Variants in ITPKB observed in about 807,000 individuals in gnomAD.
ITPKB encodes IP3 3-kinase B.
Under a neutral mutation model 69.4 loss-of-function variants are expected in ITPKB, and 13 were observed. The observed-to-expected ratio is 0.19, with a 90% CI of 0.12 to 0.30. The LOEUF (loss-of-function observed/expected upper bound fraction) is 0.30, where lower values mean the gene tolerates loss of function less well. Ranked by LOEUF, ITPKB falls within the 10% of genes least tolerant of loss-of-function variation. The pLI is 1.00. For synonymous variants in ITPKB, 584 were observed against 513.7 expected, an observed-to-expected ratio of 1.14 and a Z score of -1.85; for missense variants, 1,240 against 1,250.5, an observed-to-expected ratio of 0.99 and a Z score of 0.13.
At chr1:226,692,715 T>C (rs1656386650) in intron 2 of ITPKB, among the ~76,000 whole-genome samples, 1 of 152,180 alleles carries the variant, frequency 6.6e-6, no homozygotes, top group African/African-American at 2.4e-5. Context: ...GTCCCAAGAA[T>C]GAGAGCTGAA....
At chr1:226,650,210 T>C (rs746774944) in intron 2 of ITPKB, among the ~76,000 whole-genome samples, 7 of 152,208 alleles carry the variant, frequency 4.6e-5, no homozygotes, top group Non-Finnish European at 8.8e-5. Flanking sequence ...CTTTGTTTTT[T>C]CTCTCTTTGC....
At chr1:226,723,323 A>T (rs1349004097) in intron 2 of ITPKB, among the ~76,000 whole-genome samples, 1 of 151,818 alleles carries the variant, frequency 6.6e-6, no homozygotes, top group Non-Finnish European at 1.5e-5. Context: ...TACTTCAGAG[A>T]CCCCAGAGCC....
In ITPKB at chr1:226,738,023, G is replaced by A. The variant is rs1657861131; in HGVS notation, c.-205-360C>T. On this transcript the variant is annotated intron_variant, in intron 1 of 7. Transcript: ENST00000429204. The surrounding 1 kb of genome is among the most constrained non-coding windows in gnomAD (Gnocchi z 4.2). ...GGGCGCGGCTGACTCAGCTCTCCCG[G>A]GCTGAGGACACCCCAGCCACCGTCT... is the stretch of plus-strand genomic sequence containing the variant. Among the ~76,000 whole-genome samples the A allele has an allele frequency of 6.6e-6, 1 of 152,150 alleles. No individual in the cohort carries two copies. The highest frequency in any genetic ancestry group is 1.5e-5 in the Non-Finnish European group (1 of 68,016).
At chr1:226,660,714 C>T (rs569172340) in intron 2 of ITPKB, among the ~76,000 whole-genome samples, 3 of 152,304 alleles carry the variant, frequency 2.0e-5, no homozygotes, top group East Asian at 1.9e-4. Flanking sequence ...CTGCTGGGCC[C>T]GGAGGCTAGG....
chr1:226,686,084 A>C (rs555586594), intron 2 of ITPKB, among the ~76,000 whole-genome samples: 2,189 of 151,458 alleles, frequency 0.014, 105 homozygotes, highest in Admixed American at 0.08. Context: ...AGATAAAGCG[A>C]CCCCCCGCCC....
chr1:226,707,612 G>T, intron 2 of ITPKB: 1 of 988,372 alleles, frequency 1.0e-6, no homozygotes, highest in Non-Finnish European at 1.2e-6. Context: ...GGGCTCAATG[G>T]GGATAAATAG....
intron 2 of ITPKB, among the ~76,000 whole-genome samples, chr1:226,670,797 C>A (rs975686399): frequency 6.6e-6 from 1 of 152,192 alleles, no homozygotes; most frequent in Non-Finnish European, 1.5e-5. Flanking sequence ...ATCCACAAAT[C>A]TTTTGAATAA....
At chr1:226,724,626 G>A (rs1018152853) in intron 2 of ITPKB, among the ~76,000 whole-genome samples, 8 of 152,110 alleles carry the variant, frequency 5.3e-5, no homozygotes, top group Non-Finnish European at 1.2e-4. Flanking sequence ...TTTCTCTAGG[G>A]TCACACAGAT....
chr1:226,690,176 CT>C (rs1656314332), intron 2 of ITPKB, among the ~76,000 whole-genome samples: 1 of 152,116 alleles, frequency 6.6e-6, no homozygotes, highest in South Asian at 2.1e-4. Flanking sequence ...GTCTTTAGGT[CT>C]TTGAGGAATC....
intron 2 of ITPKB, chr1:226,707,546 C>G (rs767727495): frequency 2.0e-6 from 2 of 985,442 alleles, no homozygotes; most frequent in African/African-American, 3.5e-5. Flanking sequence ...AATATTTGTA[C>G]ATTAAGTAAC....
chr1:226,635,870 C>T (rs1213697787), intron 7 of ITPKB, among the ~76,000 whole-genome samples: 1 of 152,268 alleles, frequency 6.6e-6, no homozygotes, highest in Non-Finnish European at 1.5e-5. Context: ...GCCACACATA[C>T]CCCTGCATCA....
intron 3 of ITPKB, 110 bp from the exon 4 acceptor site, chr1:226,647,490 G>T (rs1381690324): frequency 2.6e-6 from 2 of 763,188 alleles, no homozygotes; most frequent in African/African-American, 1.7e-5. Flanking sequence ...GCCTGGGGCT[G>T]AAGGTGTGTC....
chr1:226,735,824 C>G lies in ITPKB; in HGVS notation c.1635G>C (p.Pro545=). 6.2e-7 allele frequency: 1 copy of G among 1,608,570 alleles called. No individual in the cohort carries two copies. The highest frequency in any genetic ancestry group is 8.5e-7 in the Non-Finnish European group (1 of 1,175,694). The change falls in exon 2 of 8, where the codon CCG becomes CCC. Residue 545 remains proline (P), a synonymous_variant. Transcript: ENST00000429204. The part of the protein sequence containing the change: ...QRQDSDALPS[P]ELLPQDPDKP... ...TGTCCGGATCTTGGGGTAGCAGCTC[C>G]GGACTTGGGAGGGCATCACTGTCCT... is the stretch of plus-strand genomic sequence containing the variant.
Position 226,704,408 on chromosome 1 carries a change from G to A in ITPKB, c.1932+31119C>T, listed in dbSNP as rs142112160. On this transcript the variant is annotated intron_variant, in intron 2 of 7. Coordinates refer to ENST00000429204, the MANE Select transcript of ITPKB (RefSeq NM_002221.4). ...ACAGGTTATCATACCTGGTCAACAC[G>A]AGAATTCCCTGTAAAAAAGCTTCTC... 9.9e-4 allele frequency among the ~76,000 whole-genome samples: 150 copies of A among 152,254 alleles called. 1 individual carries two copies. The highest frequency in any genetic ancestry group is 3.4e-3 in the African/African-American group (142 of 41,538).
chr1:226,692,681 A>AC (rs1252236407), intron 2 of ITPKB, among the ~76,000 whole-genome samples: 1 of 152,080 alleles, frequency 6.6e-6, no homozygotes, highest in Non-Finnish European at 1.5e-5. Context: ...AGGGAAAGCC[A>AC]CCCCCAAATC....
intron 2 of ITPKB, among the ~76,000 whole-genome samples, chr1:226,713,852 G>A (rs1467188575): frequency 6.6e-6 from 1 of 152,082 alleles, no homozygotes; most frequent in Non-Finnish European, 1.5e-5. Context: ...CCACATCCAG[G>A]CTATATTGAC....
rs759559694 is a variant in ITPKB, at chr1:226,634,845, T to G, written c.2667A>C (p.Glu889Asp). Residue 889 changes from glutamate (E) to aspartate (D), a missense_variant, in exon 8 of 8, where the codon GAA (glutamate) becomes GAC (aspartate). Physicochemically the swap from Glu to Asp is conservative, Grantham distance 45. Transcript: ENST00000429204. The surrounding 1 kb of genome is among the most constrained non-coding windows in gnomAD (Gnocchi z 6.3). ...AGTCGATCATCCACACTTTGGCCTG[T>G]TCCTTCTTGTCGTGGATGAAGAGGA... Reference protein sequence around the residue: ...SSLLFIHDKKEQAKVWMIDFG... With the variant: ...SSLLFIHDKKDQAKVWMIDFG... 1 of 1,614,020 alleles carries G rather than the reference T, an allele frequency of 6.2e-7. No individual in the cohort carries two copies. Among genetic ancestry groups the G allele is most frequent in the Non-Finnish European group, 8.5e-7 (1 of 1,179,914 alleles).
chr1:226,675,783 A>T (rs1313533254), intron 2 of ITPKB, among the ~76,000 whole-genome samples: 3 of 152,198 alleles, frequency 2.0e-5, no homozygotes, highest in African/African-American at 7.2e-5. Flanking sequence ...AATGCTTGTT[A>T]TCAATGTAAG....
At chr1:226,705,864 T>C (rs559369933) in intron 2 of ITPKB, among the ~76,000 whole-genome samples, 13 of 152,378 alleles carry the variant, frequency 8.5e-5, no homozygotes, top group African/African-American at 3.1e-4. Flanking sequence ...TTAGAAACTC[T>C]GAAGTCCCTG....
Sources: allele counts gnomAD v4.1 joint callset (sites outside exome capture counted in the v4.1 genomes callset), GRCh38; gene constraint gnomAD v4.1.1; non-coding constraint Gnocchi (gnomAD v3.1); transcripts MANE v1.5; gene names NCBI Gene and HGNC (gene_info 2026-07-23, HGNC 2026-07-21).